Variants in DAP3 observed in about 807,000 individuals in gnomAD.
The protein encoded by DAP3 is small ribosomal subunit protein mS29.
In DAP3, 28 loss-of-function variants were observed where a neutral mutation model predicts 51.9. The ratio of observed to expected loss-of-function variants is 0.54; its 90% confidence interval spans 0.40 to 0.74. The LOEUF (loss-of-function observed/expected upper bound fraction) is 0.74, where lower values mean the gene tolerates loss of function less well. Among genes scored for constraint, DAP3 ranks in the 30% least tolerant of loss-of-function variants. The probability of loss-of-function intolerance (pLI) is 0.00; values close to 1 mark genes in which losing one functional copy is unlikely to be tolerated. For synonymous variants in DAP3, 170 were observed against 170.3 expected, an observed-to-expected ratio of 1.00 and a Z score of 0.01; for missense variants, 458 against 483.5, an observed-to-expected ratio of 0.95 and a Z score of 0.49.
In DAP3 at chr1:155,709,824, G is replaced by A. The variant is rs1287047821; in HGVS notation, c.45G>A (p.Lys15=). ...GITRLISRIH[K]LDPGRFLHMG... is the part of the protein sequence containing the mutation. Reference sequence around the variant, plus strand: ...CAAGGCTTATCTCTAGGATCCATAAGGTGAGTCCTGACTGACCTGAACACT... The same window carrying A: ...CAAGGCTTATCTCTAGGATCCATAAAGTGAGTCCTGACTGACCTGAACACT... Residue 15 remains lysine, a splice_region_variant and synonymous_variant, in exon 2 of 13, where the codon AAG becomes AAA. Coordinates refer to ENST00000368336, the MANE Select transcript of DAP3 (RefSeq NM_004632.4). The A allele has an allele frequency of 3.1e-6, 5 of 1,613,086 alleles. No homozygotes were observed. Among genetic ancestry groups the A allele is most frequent in the Non-Finnish European group, 4.2e-6 (5 of 1,179,730 alleles).
At chr1:155,726,045 G>A (rs771019701) in intron 6 of DAP3, 26 bp downstream of exon 6, 99 of 1,585,784 alleles carry the variant, frequency 6.2e-5, no homozygotes, top group Non-Finnish European at 8.5e-5. Context: ...TGTTTCTTCT[G>A]TCTGTTAGGT....
rs1656408497 is a variant in DAP3 at position 155,709,319 on chromosome 1, T to C, written c.-7-454T>C. Among the ~76,000 whole-genome samples the C allele has an allele frequency of 2.0e-5, 3 of 152,262 alleles. No homozygotes were observed. In the South Asian group the frequency reaches 6.2e-4, roughly 32 times the overall value. On this transcript the variant is annotated intron_variant, in intron 1 of 12. Coordinates refer to ENST00000368336, the MANE Select transcript of DAP3 (RefSeq NM_004632.4). ...CACTACCATGCCCTGCTAATTTTTA[T>C]ATTTTTTGTAAAGACAGGGTCTCAC...
At chr1:155,714,424 T>C (rs1287568184) in intron 2 of DAP3, among the ~76,000 whole-genome samples, 2 of 152,108 alleles carry the variant, frequency 1.3e-5, no homozygotes, top group African/African-American at 2.4e-5. Context: ...TTAAGGACTA[T>C]GAACGATGAA....
chr1:155,713,149 G>A (rs2149156324), intron 2 of DAP3, among the ~76,000 whole-genome samples: 1 of 152,276 alleles, frequency 6.6e-6, no homozygotes, highest in Admixed American at 6.5e-5. Flanking sequence ...TTTAAGGTGG[G>A]GAGGGAGAGA....
chr1:155,707,606 A>G (rs1448865076), intron 1 of DAP3, among the ~76,000 whole-genome samples: 1 of 152,182 alleles, frequency 6.6e-6, no homozygotes, highest in Non-Finnish European at 1.5e-5. Flanking sequence ...TGATATGAAA[A>G]TAATAAATTC....
chr1:155,722,241 CAAAAATT>C (rs1389850197), intron 4 of DAP3, among the ~76,000 whole-genome samples: 1 of 151,868 alleles, frequency 6.6e-6, no homozygotes, highest in Non-Finnish European at 1.5e-5. Context: ...CCTGTCTCTA[CAAAAATT>C]AAAAATTAAA....
intron 1 of DAP3, among the ~76,000 whole-genome samples, chr1:155,696,112 TG>T (rs1440303975): frequency 6.6e-6 from 1 of 152,194 alleles, no homozygotes; most frequent in Non-Finnish European, 1.5e-5. Flanking sequence ...CAATTAAAAT[TG>T]TGATCTGATC....
intron 2 of DAP3, 126 bp from the exon 3 acceptor site, chr1:155,716,880 G>A (rs1236918781): frequency 2.3e-6 from 3 of 1,318,788 alleles, no homozygotes; most frequent in Non-Finnish European, 3.1e-6. Context: ...CTGGAAGGCG[G>A]AGGTTGTAGT....
chr1:155,734,464 A>C (rs774723190), intron 11 of DAP3, among the ~76,000 whole-genome samples: 1 of 152,108 alleles, frequency 6.6e-6, no homozygotes, highest in Non-Finnish European at 1.5e-5. Context: ...GGCGTGAGCC[A>C]CCATATCCAG....
At chr1:155,734,283 C>T (rs1480921303) in intron 11 of DAP3, among the ~76,000 whole-genome samples, 2 of 152,044 alleles carry the variant, frequency 1.3e-5, no homozygotes, top group Non-Finnish European at 2.9e-5. Flanking sequence ...TCATAGCTCA[C>T]TGTAGCCTTG....
chr1:155,706,000 CTCTT>C (rs1458333729), intron 1 of DAP3, among the ~76,000 whole-genome samples: 1 of 152,084 alleles, frequency 6.6e-6, no homozygotes, highest in Non-Finnish European at 1.5e-5. Context: ...TGCACCTGGC[CTCTT>C]TTCATTTATT....
At chr1:155,707,118 A>C (rs1018368028) in intron 1 of DAP3, among the ~76,000 whole-genome samples, 2 of 151,354 alleles carry the variant, frequency 1.3e-5, no homozygotes, top group East Asian at 2.0e-4. Context: ...AACAAACAAA[A>C]AAAATTTATA....
chr1:155,728,812 A>G (rs1008407415), intron 7 of DAP3, among the ~76,000 whole-genome samples: 5 of 151,784 alleles, frequency 3.3e-5, no homozygotes, highest in Non-Finnish European at 7.4e-5. Flanking sequence ...GCGAGCTGAG[A>G]TCATGCCACT....
chr1:155,691,294 T>C (rs1653796560), intron 1 of DAP3, among the ~76,000 whole-genome samples: 1 of 141,912 alleles, frequency 7.0e-6, no homozygotes, highest in South Asian at 2.1e-4. Context: ...CCATTGCCTC[T>C]CGCAACCACT....
chr1:155,689,858 G>C (rs1653459800), intron 1 of DAP3, among the ~76,000 whole-genome samples: 1 of 152,202 alleles, frequency 6.6e-6, no homozygotes. Flanking sequence ...GTTGCAGTGA[G>C]CCGAGATCGC....
chr1:155,733,972 A>G (rs1659502697), intron 11 of DAP3, among the ~76,000 whole-genome samples: 1 of 152,084 alleles, frequency 6.6e-6, no homozygotes, highest in Non-Finnish European at 1.5e-5. Context: ...TGGGCAACAA[A>G]GTGAGACCCC....
chr1:155,690,883 GCACATGCCAC>G (rs1296081614), intron 1 of DAP3, among the ~76,000 whole-genome samples: 1 of 142,036 alleles, frequency 7.0e-6, no homozygotes, highest in East Asian at 1.9e-4. Flanking sequence ...AGGACTACAG[GCACATGCCAC>G]CACATCCAGC....
chr1:155,722,523 T>G (rs1230137747), intron 4 of DAP3, among the ~76,000 whole-genome samples: 1 of 152,096 alleles, frequency 6.6e-6, no homozygotes, highest in African/African-American at 2.4e-5. Flanking sequence ...CAAGACCAGC[T>G]GGGCAATATA....
upstream of DAP3, chr1:155,688,140 G>T: frequency 6.2e-7 from 1 of 1,612,990 alleles, no homozygotes; most frequent in South Asian, 1.1e-5. Context: ...AGGCTCCTCC[G>T]CTTCCCTGGG....
Sources: allele counts gnomAD v4.1 joint callset (sites outside exome capture counted in the v4.1 genomes callset), GRCh38; gene constraint gnomAD v4.1.1; transcripts MANE v1.5; gene names NCBI Gene and HGNC (gene_info 2026-07-23, HGNC 2026-07-21).